The following NCKAP5 variants were observed in gnomAD, a reference collection of about 807,000 sequenced individuals.
The protein encoded by NCKAP5 is nck-associated protein 5.
A neutral mutation model predicts 167.0 loss-of-function variants in NCKAP5; 92 were observed. That is an observed-to-expected ratio of 0.55 (90% CI 0.47 to 0.66). NCKAP5 has a LOEUF of 0.66. Ranked by LOEUF, NCKAP5 falls within the 30% of genes least tolerant of loss-of-function variation. The probability of loss-of-function intolerance (pLI) is 0.00; values close to 1 mark genes in which losing one functional copy is unlikely to be tolerated. For missense variants in NCKAP5, 2,378 were observed against 2,315.0 expected, an observed-to-expected ratio of 1.03 and a Z score of -0.56; for synonymous variants, 891 against 877.4, an observed-to-expected ratio of 1.02 and a Z score of -0.27.
chr2:133,197,648 C>T (rs6718899), intron 5 of NCKAP5, among the ~76,000 whole-genome samples: 8,583 of 152,024 alleles, frequency 0.056, 770 homozygotes, highest in African/African-American at 0.19. Flanking sequence ...ATATAACCTT[C>T]TTTTCAAAAG....
the NCKAP5 span, among the ~76,000 whole-genome samples, chr2:133,648,951 A>C: frequency 1.3e-5 from 2 of 151,862 alleles, no homozygotes; most frequent in African/African-American, 4.8e-5. Flanking sequence ...AATCAACAAA[A>C]CTAACAGTTA....
rs749566136 is a variant in NCKAP5, at chr2:132,784,485, G to T, written c.2326C>A (p.Pro776Thr). ...CTCTGGCATGATATATTGTGTGTTGGTTTGACCAGCTTTTGCTGCTGAGGA... is the reference window on the plus strand; with the variant it reads ...CTCTGGCATGATATATTGTGTGTTGTTTTGACCAGCTTTTGCTGCTGAGGA... The part of the protein sequence containing the change: ...QNPQQQKLVK[P>T]THNISCQSNS... The change falls in exon 14 of 20, where the codon CCA becomes ACA. Residue 776 changes from proline (P) to threonine (T), a missense_variant. By Grantham distance (38) the Pro-to-Thr change is conservative. Transcript: ENST00000409261. The T allele has an allele frequency of 1.9e-6, 3 of 1,580,550 alleles. No homozygotes were observed. The highest frequency in any genetic ancestry group is 1.2e-5 in the South Asian group (1 of 84,344).
At chr2:132,990,928 G>A (rs1036546660) in intron 7 of NCKAP5, among the ~76,000 whole-genome samples, 1 of 152,192 alleles carries the variant, frequency 6.6e-6, no homozygotes, top group South Asian at 2.1e-4. Flanking sequence ...GCATTTGAAT[G>A]AATGAATGAG....
At chr2:133,248,092 T>C (rs115260356) in intron 4 of NCKAP5, among the ~76,000 whole-genome samples, 2,115 of 152,304 alleles carry the variant, frequency 0.014, 26 homozygotes, top group Non-Finnish European at 0.021. Context: ...GTTGGCTGCA[T>C]GCTAAAAGGG....
chr2:133,039,744 G>A (rs2079152415), intron 6 of NCKAP5, among the ~76,000 whole-genome samples: 1 of 152,194 alleles, frequency 6.6e-6, no homozygotes, highest in South Asian at 2.1e-4. Context: ...TCTAGCCCCA[G>A]AACTTCTGAT....
At chr2:133,370,205 C>T (rs1269063073) in intron 3 of NCKAP5, among the ~76,000 whole-genome samples, 2 of 152,142 alleles carry the variant, frequency 1.3e-5, no homozygotes, top group Non-Finnish European at 2.9e-5. Flanking sequence ...TCTGATAGTT[C>T]CCTAAAGAAC....
At chr2:132,915,775 G>A (rs539904052) in intron 8 of NCKAP5, 1 of 152,222 alleles carries the variant, frequency 6.6e-6, no homozygotes, top group East Asian at 1.9e-4. Flanking sequence ...AGTGAGCAGA[G>A]CCTCTGTGTC....
chr2:133,033,157 TAGAG>T (rs1302940891), intron 6 of NCKAP5, among the ~76,000 whole-genome samples: 1 of 152,200 alleles, frequency 6.6e-6, no homozygotes, highest in Non-Finnish European at 1.5e-5. Flanking sequence ...TGGCTCAGAA[TAGAG>T]AGAGATACTT....
chr2:132,894,018 A>G (rs556724733), intron 8 of NCKAP5, among the ~76,000 whole-genome samples: 19 of 152,312 alleles, frequency 1.2e-4, no homozygotes, highest in Non-Finnish European at 1.8e-4. Context: ...CAGCAGGTGG[A>G]CAGCCCATGA....
chr2:132,949,464 T>G (rs1445879814), intron 8 of NCKAP5, among the ~76,000 whole-genome samples: 2 of 152,108 alleles, frequency 1.3e-5, no homozygotes, highest in African/African-American at 4.8e-5. Flanking sequence ...AGACCTGTTC[T>G]CCCTGCCTTG....
chr2:133,022,557 G>T (rs2078563209), intron 6 of NCKAP5, among the ~76,000 whole-genome samples: 1 of 152,114 alleles, frequency 6.6e-6, no homozygotes, highest in Non-Finnish European at 1.5e-5. Flanking sequence ...AAGTAGGGAG[G>T]TCTGACTCAT....
chr2:133,254,629 T>C (rs2088524230), intron 4 of NCKAP5, among the ~76,000 whole-genome samples: 1 of 152,196 alleles, frequency 6.6e-6, no homozygotes, highest in East Asian at 1.9e-4. Context: ...GGTTTCGTCC[T>C]TCACATACAT....
chr2:133,528,616 C>T (rs1376574525), intron 2 of NCKAP5, among the ~76,000 whole-genome samples: 1 of 152,172 alleles, frequency 6.6e-6, no homozygotes, highest in Non-Finnish European at 1.5e-5. Flanking sequence ...AGCGGAATTC[C>T]AAGCATTTTC....
chr2:133,532,824 C>T (rs1416104264), intron 2 of NCKAP5, among the ~76,000 whole-genome samples: 1 of 152,150 alleles, frequency 6.6e-6, no homozygotes, highest in Non-Finnish European at 1.5e-5. Context: ...ATATGTGTGG[C>T]TTCTGAAAGG....
At chr2:133,374,160 G>T (rs969329488) in intron 3 of NCKAP5, among the ~76,000 whole-genome samples, 1 of 152,206 alleles carries the variant, frequency 6.6e-6, no homozygotes, top group East Asian at 1.9e-4. Context: ...CCAGACAATG[G>T]AATATTATTC....
chr2:133,550,389 C>T (rs1453142138), intron 2 of NCKAP5, among the ~76,000 whole-genome samples: 1 of 151,616 alleles, frequency 6.6e-6, no homozygotes, highest in African/African-American at 2.4e-5. Context: ...CATCAAAAAG[C>T]TTATCCAACA....
At chr2:133,546,540 CGGTT>C (rs2104917065) in intron 2 of NCKAP5, among the ~76,000 whole-genome samples, 1 of 152,148 alleles carries the variant, frequency 6.6e-6, no homozygotes, top group South Asian at 2.1e-4. Flanking sequence ...CATAAGGGCA[CGGTT>C]ATCCTGAATG....
At chr2:133,671,458 C>A in the NCKAP5 span, among the ~76,000 whole-genome samples, 29 of 152,032 alleles carry the variant, frequency 1.9e-4, no homozygotes, top group Non-Finnish European at 3.4e-4. Context: ...TCAATTAATT[C>A]ATGGATTAGT....
At chr2:132,960,785 C>T (rs2076487329) in intron 8 of NCKAP5, among the ~76,000 whole-genome samples, 1 of 152,078 alleles carries the variant, frequency 6.6e-6, no homozygotes, top group African/African-American at 2.4e-5. Flanking sequence ...GAAGTCATCT[C>T]TGCATTTCAT....
Sources: allele counts gnomAD v4.1 joint callset (sites outside exome capture counted in the v4.1 genomes callset), GRCh38; gene constraint gnomAD v4.1.1; transcripts MANE v1.5; gene names NCBI Gene and HGNC (gene_info 2026-07-23, HGNC 2026-07-21).